The following FHIP1A variants were observed in gnomAD, a reference collection of about 807,000 sequenced individuals.
The protein encoded by FHIP1A is FHF complex subunit HOOK interacting protein 1A, also known as FHF complex subunit HOOK-interacting protein 1A.
A neutral mutation model predicts 88.6 loss-of-function variants in FHIP1A; 61 were observed. The ratio of observed to expected loss-of-function variants is 0.69; its 90% confidence interval spans 0.56 to 0.85. The LOEUF is 0.85. Ranked by LOEUF, FHIP1A falls within the 40% of genes least tolerant of loss-of-function variation. The pLI, the probability that FHIP1A is intolerant of heterozygous loss-of-function variation, is 0.00. For missense variants in FHIP1A, 1,154 were observed against 1,273.5 expected, an observed-to-expected ratio of 0.91 and a Z score of 1.43; for synonymous variants, 478 against 496.0, an observed-to-expected ratio of 0.96 and a Z score of 0.48.
At chr4:151,434,703 T>TG (rs1406337604) in intron 1 of FHIP1A, among the ~76,000 whole-genome samples, 4 of 152,288 alleles carry the variant, frequency 2.6e-5, no homozygotes, top group Admixed American at 2.0e-4. Context: ...GACTAATCAT[T>TG]GGAATTTGAG....
At chr4:151,436,901 C>G (rs1479567617) in intron 1 of FHIP1A, among the ~76,000 whole-genome samples, 1 of 152,148 alleles carries the variant, frequency 6.6e-6, no homozygotes, top group Non-Finnish European at 1.5e-5. Flanking sequence ...CTACACATGT[C>G]TTACCATGTA....
Position 151,649,584 on chromosome 4 carries a change from A to AT in FHIP1A, c.1544dup (p.Met515IlefsTer12). ...GGCCCACACCAACATCCTCCGCTGCATGAGGGACTGCCGTGTCTGGTCCGC... is the reference window on the plus strand; with the variant it reads ...GGCCCACACCAACATCCTCCGCTGCATTGAGGGACTGCCGTGTCTGGTCCGC... On this transcript the variant is annotated frameshift_variant, in exon 11 of 14. Coordinates refer to ENST00000435205, the MANE Select transcript of FHIP1A (RefSeq NM_001109977.3). LOFTEE classifies it high-confidence loss of function. 6.4e-7 allele frequency: 1 copy of AT among 1,551,726 alleles called. No individual in the cohort carries two copies.
intron 2 of FHIP1A, among the ~76,000 whole-genome samples, chr4:151,463,054 A>G (rs1729193879): frequency 6.6e-6 from 1 of 152,168 alleles, no homozygotes; most frequent in African/African-American, 2.4e-5. Flanking sequence ...AGCTCCTGTG[A>G]GCTCCTTGAG....
chr4:151,581,330 G>T (rs890438310), intron 5 of FHIP1A, among the ~76,000 whole-genome samples: 2 of 151,962 alleles, frequency 1.3e-5, no homozygotes, highest in African/African-American at 4.8e-5. Context: ...ATTGGAGTAG[G>T]GTGCAGTTCT....
chr4:151,505,057 T>C (rs910445337), intron 3 of FHIP1A, among the ~76,000 whole-genome samples: 4 of 152,200 alleles, frequency 2.6e-5, no homozygotes, highest in Non-Finnish European at 5.9e-5. Flanking sequence ...TCTTCTACTG[T>C]ATGTATGTCC....
At chr4:151,462,795 C>T (rs1189139053) in intron 2 of FHIP1A, among the ~76,000 whole-genome samples, 1 of 152,006 alleles carries the variant, frequency 6.6e-6, no homozygotes, top group African/African-American at 2.4e-5. Flanking sequence ...ACAGCATGGC[C>T]CATAAAATGC....
intron 8 of FHIP1A, among the ~76,000 whole-genome samples, chr4:151,636,798 C>T (rs910193143): frequency 1.3e-5 from 2 of 152,068 alleles, no homozygotes; most frequent in Non-Finnish European, 2.9e-5. Context: ...AAACTCCTAT[C>T]TGGCCTATTT....
chr4:151,457,770 G>T (rs1248606621), intron 2 of FHIP1A, among the ~76,000 whole-genome samples: 1 of 152,088 alleles, frequency 6.6e-6, no homozygotes, highest in Admixed American at 6.6e-5. Flanking sequence ...GAGGGGTGGG[G>T]ATCACAAACT....
chr4:151,453,294 G>A (rs1158091546), intron 1 of FHIP1A, among the ~76,000 whole-genome samples: 1 of 152,104 alleles, frequency 6.6e-6, no homozygotes, highest in Non-Finnish European at 1.5e-5. Flanking sequence ...GGGATTACAG[G>A]CATGAGCCAC....
chr4:151,454,406 CAAA>C (rs1728900709), intron 1 of FHIP1A, among the ~76,000 whole-genome samples: 2 of 152,144 alleles, frequency 1.3e-5, no homozygotes, highest in South Asian at 4.2e-4. Flanking sequence ...CAAGCTATGC[CAAA>C]ATGCAGGCAT....
chr4:151,567,370 A>G (rs913038789), intron 4 of FHIP1A, among the ~76,000 whole-genome samples: 35 of 152,056 alleles, frequency 2.3e-4, no homozygotes, highest in African/African-American at 8.2e-4. Context: ...AGTTTAGATC[A>G]AAACCAAGCA....
chr4:151,626,915 T>C (rs1025098087), intron 7 of FHIP1A, among the ~76,000 whole-genome samples: 2 of 152,206 alleles, frequency 1.3e-5, no homozygotes, highest in African/African-American at 2.4e-5. Context: ...TTGTTAGCTT[T>C]CCAGTGATCA....
At chr4:151,484,288 C>T (rs554831967) in intron 3 of FHIP1A, among the ~76,000 whole-genome samples, 1 of 152,284 alleles carries the variant, frequency 6.6e-6, no homozygotes, top group East Asian at 1.9e-4. Context: ...GTTCTTGCCT[C>T]TTAGCTCTAG....
intron 7 of FHIP1A, 41 bp from the exon 8 acceptor site, chr4:151,629,661 A>C (rs1259927238): frequency 1.6e-5 from 25 of 1,535,770 alleles, no homozygotes; most frequent in Admixed American, 1.2e-4. Flanking sequence ...TCACAGCATC[A>C]AAAGGATGCT....
Position 151,665,532 on chromosome 4 carries a change from A to G in FHIP1A, c.*2778A>G, listed in dbSNP as rs1737628730. ...CAGGAAAACCCATGTGGCTGGGTGA[A>G]ATAACTGAGAGTGGGTTATTTAGGG... On this transcript the variant is annotated 3_prime_UTR_variant, in exon 14 of 14. Transcript: ENST00000435205. 6.6e-6 allele frequency among the ~76,000 whole-genome samples: 1 copy of G among 152,202 alleles called. No individual in the cohort carries two copies. Among genetic ancestry groups the G allele is most frequent in the Non-Finnish European group, 1.5e-5 (1 of 68,038 alleles).
At chr4:151,480,804 T>C (rs1360547270) in intron 2 of FHIP1A, among the ~76,000 whole-genome samples, 2 of 152,044 alleles carry the variant, frequency 1.3e-5, no homozygotes, top group Admixed American at 6.6e-5. Flanking sequence ...TGCCTAGTTT[T>C]GAAGATTTAG....
chr4:151,497,772 T>C (rs1255328972), intron 3 of FHIP1A, among the ~76,000 whole-genome samples: 1 of 152,238 alleles, frequency 6.6e-6, no homozygotes, highest in Non-Finnish European at 1.5e-5. Context: ...GACCATGCTT[T>C]GTTTAGGCTC....
At chr4:151,608,281 G>A (rs1735162493) in intron 7 of FHIP1A, among the ~76,000 whole-genome samples, 1 of 151,936 alleles carries the variant, frequency 6.6e-6, no homozygotes, top group Non-Finnish European at 1.5e-5. Flanking sequence ...CTGACCTCAA[G>A]TGATCCACCC....
chr4:151,427,760 A>G (rs755336359), intron 1 of FHIP1A, among the ~76,000 whole-genome samples: 4 of 152,142 alleles, frequency 2.6e-5, no homozygotes, highest in Non-Finnish European at 5.9e-5. Context: ...GATGTCAACT[A>G]CAGAGAGCAT....
Sources: allele counts gnomAD v4.1 joint callset (sites outside exome capture counted in the v4.1 genomes callset), GRCh38; gene constraint gnomAD v4.1.1; transcripts MANE v1.5; gene names NCBI Gene and HGNC (gene_info 2026-07-23, HGNC 2026-07-21).